Variants in WFDC1 observed in about 807,000 individuals in gnomAD.
WFDC1 encodes the protein WAP four-disulfide core domain protein 1.
WFDC1 carries 39 observed loss-of-function variants against 32.9 expected under a neutral mutation model. That is an observed-to-expected ratio of 1.19 (90% CI 0.92 to 1.55). WFDC1 has a LOEUF of 1.55. Among genes scored for constraint, WFDC1 ranks in the 40% most tolerant of loss-of-function variants. The pLI, the probability that WFDC1 is intolerant of heterozygous loss-of-function variation, is 0.00. For missense variants in WFDC1, 386 were observed against 309.5 expected (o/e 1.25, Z -1.85); for synonymous variants, 184 against 137.4 (o/e 1.34, Z -2.37).
In WFDC1 at chr16:84,295,040, A is replaced by G. The variant is rs1212703386; in HGVS notation, c.69A>G (p.Leu23=). ...TCATCCGGGCTCTGTGCCTCTTGCTACTTCTCCTCCACGCCGGCTCTGCCA... is the reference window on the plus strand; with the variant it reads ...TCATCCGGGCTCTGTGCCTCTTGCTGCTTCTCCTCCACGCCGGCTCTGCCA... ...RQIIRALCLL[L]LLLHAGSAKN... The change falls in exon 1 of 7, where the codon CTA becomes CTG. Residue 23 remains leucine, a synonymous_variant. Transcript: ENST00000219454. 4 of 1,614,034 alleles carry G rather than the reference A, an allele frequency of 2.5e-6. No homozygotes were observed. Among genetic ancestry groups the G allele is most frequent in the Non-Finnish European group, 2.5e-6 (3 of 1,180,028 alleles).
chr16:84,302,619 C>G (rs964023881), intron 1 of WFDC1, among the ~76,000 whole-genome samples: 3 of 152,198 alleles, frequency 2.0e-5, no homozygotes, highest in Non-Finnish European at 4.4e-5. Flanking sequence ...CATAAGAGCC[C>G]AGCTCTTCCT....
chr16:84,313,730 G>C (rs1037686043), intron 2 of WFDC1, among the ~76,000 whole-genome samples: 6 of 152,164 alleles, frequency 3.9e-5, no homozygotes, highest in African/African-American at 1.2e-4. Flanking sequence ...ATCCAGATGG[G>C]GCGTGCCCCA....
chr16:84,297,641 A>AC lies in WFDC1; in HGVS notation c.144+2526_144+2527insC, dbSNP rs1555543157. On this transcript the variant is annotated intron_variant, in intron 1 of 6. Coordinates refer to ENST00000219454, the MANE Select transcript of WFDC1 (RefSeq NM_021197.4). ...TCAAAAAAAAAAAAAAAAAAAAAAAAAAAAAACTGTGCCTCAGAGAAAGCC... is the reference window on the plus strand; with the variant it reads ...TCAAAAAAAAAAAAAAAAAAAAAAAACAAAAAACTGTGCCTCAGAGAAAGCC... 2.5e-4 allele frequency among the ~76,000 whole-genome samples: 32 copies of AC among 129,324 alleles called. 1 individual carries two copies. Among genetic ancestry groups the AC allele is most frequent in the East Asian group, 9.2e-4 (4 of 4,338 alleles). 84.8% of individuals were successfully genotyped at this position (129,324 alleles called of 152,430 possible).
intron 1 of WFDC1, among the ~76,000 whole-genome samples, chr16:84,307,702 G>A (rs1028059869): frequency 2.6e-5 from 4 of 152,150 alleles, no homozygotes; most frequent in Non-Finnish European, 4.4e-5. Flanking sequence ...AAAATAAGCC[G>A]CCCCCTCCCG....
At position 84,319,542 on chromosome 16, in the gene WFDC1, G is replaced by C. The variant is rs1490270203; in HGVS notation, c.533G>C (p.Gly178Ala). The C allele has an allele frequency of 1.2e-6, 2 of 1,612,998 alleles. No homozygotes were observed. The highest frequency in any genetic ancestry group is 2.2e-5 in the South Asian group (2 of 91,078). ...GTGGCCGAAGGTATCCCCAACCGTGGGCAGTGCGTCAAGCAGCGCCGGCAA... is the reference window on the plus strand; with the variant it reads ...GTGGCCGAAGGTATCCCCAACCGTGCGCAGTGCGTCAAGCAGCGCCGGCAA... ...GDVAEGIPNR[G>A]QCVKQRRQAD... The change falls in exon 4 of 7, where the codon GGG (glycine) becomes GCG (alanine). Residue 178 changes from glycine (G) to alanine (A), a missense_variant. Physicochemically the swap from Gly to Ala is moderately conservative, Grantham distance 60. Coordinates refer to ENST00000219454, the MANE Select transcript of WFDC1 (RefSeq NM_021197.4).
intron 1 of WFDC1, among the ~76,000 whole-genome samples, chr16:84,304,882 A>C (rs566305382): frequency 9.8e-5 from 15 of 152,306 alleles, no homozygotes; most frequent in African/African-American, 3.6e-4. Context: ...AGGAGGGCAG[A>C]GGGAACACTT....
chr16:84,310,684 T>C (rs989677760), intron 1 of WFDC1, among the ~76,000 whole-genome samples: 1 of 152,194 alleles, frequency 6.6e-6, no homozygotes, highest in African/African-American at 2.4e-5. Flanking sequence ...GTTACATCTG[T>C]GTGCATTTTT....
chr16:84,297,836 C>G (rs576591381), intron 1 of WFDC1, among the ~76,000 whole-genome samples: 1 of 152,094 alleles, frequency 6.6e-6, no homozygotes, highest in Non-Finnish European at 1.5e-5. Context: ...GATGGAGAAC[C>G]TATGACTTTC....
chr16:84,327,123 G>T (rs1447528478), intron 6 of WFDC1, 168 bp downstream of exon 6: 2 of 638,564 alleles, frequency 3.1e-6, no homozygotes, highest in Non-Finnish European at 5.6e-6. Flanking sequence ...GTCATCAATA[G>T]GTTCTTGGAA....
At chr16:84,307,756 G>A (rs1384189338) in intron 1 of WFDC1, among the ~76,000 whole-genome samples, 3 of 152,166 alleles carry the variant, frequency 2.0e-5, no homozygotes, top group African/African-American at 7.2e-5. Flanking sequence ...AGGAGGCTGG[G>A]GCGCCTGTCA....
chr16:84,319,429 A>G lies in WFDC1; in HGVS notation c.422-2A>G. 6.2e-7 allele frequency: 1 copy of G among 1,609,378 alleles called. No individual in the cohort carries two copies. Among genetic ancestry groups the G allele is most frequent in the African/African-American group, 1.3e-5 (1 of 74,980 alleles). ...AGACCCCAGCGTGTGTCCCTCCTGC[A>G]GCAGAGGCGTGCAGCACCACGGAGG... On this transcript the variant is annotated splice_acceptor_variant, in intron 3 of 6. Transcript: ENST00000219454. LOFTEE classifies it high-confidence loss of function.
chr16:84,300,481 T>TG (rs777219513), intron 1 of WFDC1, among the ~76,000 whole-genome samples: 10 of 152,222 alleles, frequency 6.6e-5, no homozygotes, highest in Non-Finnish European at 1.3e-4. Context: ...ATGTACTCCC[T>TG]GCACTCGAAT....
At chr16:84,321,458 C>T (rs532084792) in intron 4 of WFDC1, among the ~76,000 whole-genome samples, 6 of 152,192 alleles carry the variant, frequency 3.9e-5, no homozygotes, top group Non-Finnish European at 7.4e-5. Context: ...AGCTGTGGGG[C>T]GAGTTGTGAG....
chr16:84,320,867 CT>C (rs11428489), intron 4 of WFDC1, among the ~76,000 whole-genome samples: 2,996 of 151,430 alleles, frequency 0.02, 93 homozygotes, highest in African/African-American at 0.068. Flanking sequence ...GCCAAAACCT[CT>C]TTTTTTTTCT....
chr16:84,299,401 A>G (rs2151365195), intron 1 of WFDC1, among the ~76,000 whole-genome samples: 1 of 152,002 alleles, frequency 6.6e-6, no homozygotes, highest in African/African-American at 2.4e-5. Flanking sequence ...AAAAAAAACC[A>G]AAAACCCCAT....
intron 1 of WFDC1, among the ~76,000 whole-genome samples, chr16:84,310,283 T>G (rs1029370664): frequency 2.0e-4 from 31 of 151,942 alleles, no homozygotes; most frequent in Admixed American, 2.6e-4. Flanking sequence ...GAGCGCTGAT[T>G]TGAGTCTCGG....
At chr16:84,309,090 C>T (rs921007240) in intron 1 of WFDC1, among the ~76,000 whole-genome samples, 8 of 152,330 alleles carry the variant, frequency 5.3e-5, no homozygotes, top group African/African-American at 1.4e-4. Flanking sequence ...CTGTGGAGCC[C>T]GCTCTGGTTG....
At chr16:84,318,151 T>C in intron 2 of WFDC1, 121 bp from the exon 3 acceptor site, 1 of 843,572 alleles carries the variant, frequency 1.2e-6, no homozygotes. Flanking sequence ...CCAGGAACCA[T>C]AGTTATTTCT....
At chr16:84,297,432 A>G (rs1239002602) in intron 1 of WFDC1, among the ~76,000 whole-genome samples, 1 of 152,132 alleles carries the variant, frequency 6.6e-6, no homozygotes, top group South Asian at 2.1e-4. Flanking sequence ...AGCCTGACCA[A>G]CATGGTGAAA....
Sources: gnomAD v4.1 joint callset for allele counts (sites outside exome capture counted in the v4.1 genomes callset) on GRCh38, gnomAD v4.1.1 for gene constraint, MANE v1.5 for transcripts, NCBI Gene and HGNC (gene_info 2026-07-23, HGNC 2026-07-21) for gene names.